USP13: variants seen among roughly 807,000 people sequenced by gnomAD.
USP13 encodes ubiquitin carboxyl-terminal hydrolase 13.
A neutral mutation model predicts 107.8 loss-of-function variants in USP13; 68 were observed. The observed-to-expected ratio is 0.63, with a 90% CI of 0.52 to 0.77. The LOEUF (loss-of-function observed/expected upper bound fraction) is 0.77, where lower values mean the gene tolerates loss of function less well. Among genes scored for constraint, USP13 ranks in the 30% least tolerant of loss-of-function variants. The pLI, the probability that USP13 is intolerant of heterozygous loss-of-function variation, is 0.00. For synonymous variants in USP13, 377 were observed against 389.5 expected (o/e 0.97, Z 0.38); for missense variants, 945 against 1,093.3 (o/e 0.86, Z 1.91).
At chr3:179,729,284 G>A (rs1713706995) in intron 8 of USP13, among the ~76,000 whole-genome samples, 1 of 152,132 alleles carries the variant, frequency 6.6e-6, no homozygotes, top group Middle Eastern at 3.2e-3. Flanking sequence ...CTGAAGGCAG[G>A]CCAGGCTGGT....
rs908694182 is a variant in USP13, at chr3:179,714,066, C to T, written c.805+5109C>T. 1.7e-4 allele frequency among the ~76,000 whole-genome samples: 26 copies of T among 152,248 alleles called. No individual in the cohort carries two copies. In the East Asian group the frequency reaches 3.5e-3, roughly 20 times the overall value. On this transcript the variant is annotated intron_variant, in intron 6 of 20. Transcript: ENST00000263966. ...CAAAAAGCTTTCCTCTGTGGGAGGACGCATTGTTTCGGCGAGGCAGGGATG... is the reference window on the plus strand; with the variant it reads ...CAAAAAGCTTTCCTCTGTGGGAGGATGCATTGTTTCGGCGAGGCAGGGATG...
chr3:179,783,168 T>G (rs1423546751), intron 20 of USP13, among the ~76,000 whole-genome samples: 1 of 152,186 alleles, frequency 6.6e-6, no homozygotes, highest in Non-Finnish European at 1.5e-5. Flanking sequence ...ATAGCTTAAT[T>G]ATAATTTTAA....
chr3:179,765,278 A>C (rs1475343738), intron 18 of USP13, among the ~76,000 whole-genome samples: 1 of 152,242 alleles, frequency 6.6e-6, no homozygotes, highest in African/African-American at 2.4e-5. Context: ...TCTATTGTTC[A>C]GTTATCTGCA....
At chr3:179,783,358 C>G (rs986273567) in intron 20 of USP13, among the ~76,000 whole-genome samples, 2 of 152,056 alleles carry the variant, frequency 1.3e-5, no homozygotes, top group African/African-American at 2.4e-5. Flanking sequence ...AATAAACACA[C>G]GTATTTACAA....
At chr3:179,703,008 C>G (rs1487024758) in intron 4 of USP13, among the ~76,000 whole-genome samples, 1 of 152,070 alleles carries the variant, frequency 6.6e-6, no homozygotes, top group Non-Finnish European at 1.5e-5. Context: ...AAAGCCTTTT[C>G]TTATTGTTGT....
chr3:179,781,862 A>G (rs1156307739), intron 20 of USP13, 39 bp downstream of exon 20: 3 of 1,546,084 alleles, frequency 1.9e-6, no homozygotes, highest in South Asian at 1.1e-5. Flanking sequence ...GCTGTGATTT[A>G]TTGAGTACCT....
At chr3:179,758,154 C>T (rs547095734) in intron 16 of USP13, among the ~76,000 whole-genome samples, 6 of 152,104 alleles carry the variant, frequency 3.9e-5, no homozygotes, top group Middle Eastern at 6.8e-3. Flanking sequence ...ATCAAACTTC[C>T]TAGATCTAGG....
chr3:179,739,956 C>T (rs959179290), intron 10 of USP13, among the ~76,000 whole-genome samples: 9 of 152,076 alleles, frequency 5.9e-5, no homozygotes, highest in East Asian at 3.9e-4. Flanking sequence ...GAGAATGAGC[C>T]GAGTGCCTGA....
intron 3 of USP13, among the ~76,000 whole-genome samples, chr3:179,695,363 G>T (rs1352083518): frequency 6.6e-6 from 1 of 151,948 alleles, no homozygotes; most frequent in Non-Finnish European, 1.5e-5. Flanking sequence ...GAATCATTTG[G>T]TTACAACCTG....
chr3:179,774,805 G>T (rs930824631), intron 19 of USP13, among the ~76,000 whole-genome samples: 1 of 152,172 alleles, frequency 6.6e-6, no homozygotes, highest in African/African-American at 2.4e-5. Flanking sequence ...TTTACAGAGA[G>T]CTGATTGGTC....
At chr3:179,709,446 A>G (rs540270868) in intron 6 of USP13, among the ~76,000 whole-genome samples, 1 of 152,206 alleles carries the variant, frequency 6.6e-6, no homozygotes, top group Non-Finnish European at 1.5e-5. Context: ...GATACTGTGC[A>G]TTAAAAGAGT....
At position 179,781,402 on chromosome 3, in the gene USP13, G is replaced by A. The variant is rs549185742; in HGVS notation, c.2414-337G>A. Among the ~76,000 whole-genome samples the A allele has an allele frequency of 1.1e-4, 16 of 151,922 alleles. No individual in the cohort carries two copies. The South Asian group carries it at 2.7e-3, about 26-fold the overall frequency. On this transcript the variant is annotated intron_variant, in intron 19 of 20. Coordinates refer to ENST00000263966, the MANE Select transcript of USP13 (RefSeq NM_003940.3). ...AAGAGGAAACAACTTGTCCACCCTC[G>A]TGCTATTTGGAAGTGATAGAGCCAG...
At chr3:179,699,164 C>A (rs1480906598) in intron 3 of USP13, among the ~76,000 whole-genome samples, 5 of 152,146 alleles carry the variant, frequency 3.3e-5, no homozygotes, top group Admixed American at 2.6e-4. Flanking sequence ...CCATGCCTGG[C>A]CGGGTTGAAT....
rs1712962474 is a variant in USP13, at chr3:179,712,378, A to G, written c.805+3421A>G. Among the ~76,000 whole-genome samples the G allele has an allele frequency of 2.0e-5, 3 of 152,202 alleles. No homozygotes were observed. The South Asian group carries it at 6.2e-4, about 31-fold the overall frequency. On this transcript the variant is annotated intron_variant, in intron 6 of 20. Coordinates refer to ENST00000263966, the MANE Select transcript of USP13 (RefSeq NM_003940.3). ...AAGTTTAGATAAATCAATACAAAATACTAGTAATACCACCCTGTAGACTAC... is the reference window on the plus strand; with the variant it reads ...AAGTTTAGATAAATCAATACAAAATGCTAGTAATACCACCCTGTAGACTAC...
chr3:179,770,549 C>T (rs572905479), intron 19 of USP13, among the ~76,000 whole-genome samples: 1 of 152,098 alleles, frequency 6.6e-6, no homozygotes, highest in African/African-American at 2.4e-5. Context: ...GTTTAAATTC[C>T]CAAGTCATTT....
intron 13 of USP13, among the ~76,000 whole-genome samples, chr3:179,750,129 G>T (rs1033759915): frequency 4.6e-5 from 7 of 151,614 alleles, no homozygotes; most frequent in Non-Finnish European, 1.0e-4. Flanking sequence ...GCTGGGCATG[G>T]TGGCAGGCAC....
In USP13 at chr3:179,775,142, C is replaced by T. The variant is rs528876524; in HGVS notation, c.2414-6597C>T. Among the ~76,000 whole-genome samples the T allele has an allele frequency of 1.3e-3, 194 of 151,642 alleles. 1 individual carries two copies. The highest frequency in any genetic ancestry group is 4.5e-3 in the African/African-American group (184 of 41,248). ...TAGCTAGATACAGTGCTGATTGGTG[C>T]GTTTACAAACCTTGAGCTAGATGCA... On this transcript the variant is annotated intron_variant, in intron 19 of 20. Coordinates refer to ENST00000263966, the MANE Select transcript of USP13 (RefSeq NM_003940.3).
intron 1 of USP13, among the ~76,000 whole-genome samples, chr3:179,655,645 C>T (rs574233134): frequency 1.2e-3 from 182 of 150,990 alleles, no homozygotes; most frequent in Non-Finnish European, 2.4e-3. Flanking sequence ...ACCTCTGCCT[C>T]CTGGATTCAA....
rs372037722 is a variant in USP13 at position 179,761,090 on chromosome 3, A to T, written c.1949-22A>T. ...GCGACAGTTTCCTCTTTCACACTAG[A>T]ATATCCTGTTGTGCTCTGTAGCATC... On this transcript the variant is annotated intron_variant, in intron 16 of 20. Transcript: ENST00000263966. 5.0e-6 allele frequency: 8 copies of T among 1,613,864 alleles called. No homozygotes were observed. In the African/African-American group the frequency reaches 8.0e-5, roughly 16 times the overall value.
Sources: gnomAD v4.1 joint callset for allele counts (sites outside exome capture counted in the v4.1 genomes callset) on GRCh38, gnomAD v4.1.1 for gene constraint, MANE v1.5 for transcripts, NCBI Gene and HGNC (gene_info 2026-07-23, HGNC 2026-07-21) for gene names.